Variants in FRMPD1 observed in about 807,000 individuals in gnomAD.
FRMPD1 encodes the protein FERM and PDZ domain containing 1, also known as FERM and PDZ domain-containing protein 1.
A neutral mutation model predicts 117.8 loss-of-function variants in FRMPD1; 76 were observed. That is an observed-to-expected ratio of 0.65 (90% confidence interval 0.54 to 0.78). FRMPD1 has a LOEUF of 0.78. FRMPD1 is among the 30% of genes least tolerant of loss of function. The probability of loss-of-function intolerance (pLI) is 0.00; values close to 1 mark genes in which losing one functional copy is unlikely to be tolerated. For synonymous variants in FRMPD1, 783 were observed against 770.4 expected (o/e 1.02, Z -0.27); for missense variants, 1,786 against 1,964.5 (o/e 0.91, Z 1.72).
chr9:37,630,415 T>C, the FRMPD1 span, among the ~76,000 whole-genome samples: 1 of 152,194 alleles, frequency 6.6e-6, no homozygotes, highest in Middle Eastern at 3.2e-3. Flanking sequence ...AGGGTTTCGC[T>C]CTGTCACCCA....
At chr9:37,688,014 G>A (rs1563932051) in intron 1 of FRMPD1, among the ~76,000 whole-genome samples, 1 of 152,062 alleles carries the variant, frequency 6.6e-6, no homozygotes. Flanking sequence ...GACAAAGATA[G>A]TATGAATACA....
At chr9:37,718,068 T>C (rs1823229263) in intron 5 of FRMPD1, among the ~76,000 whole-genome samples, 1 of 152,248 alleles carries the variant, frequency 6.6e-6, no homozygotes, top group African/African-American at 2.4e-5. Context: ...TGAGTCATAG[T>C]CATGAATCCT....
At chr9:37,615,601 T>C in the FRMPD1 span, among the ~76,000 whole-genome samples, 4 of 152,218 alleles carry the variant, frequency 2.6e-5, no homozygotes, top group African/African-American at 7.2e-5. Context: ...AAGGACAATC[T>C]CATTTCTAAT....
chr9:37,730,979 C>G lies in FRMPD1; in HGVS notation c.739-5C>G. Reference sequence around the variant, plus strand: ...GATTAATAGTATCTCCCTTACCCATCGCAGGTGGTAGAAAGGGAGGAGTCA... The same window carrying G: ...GATTAATAGTATCTCCCTTACCCATGGCAGGTGGTAGAAAGGGAGGAGTCA... On this transcript the variant is annotated splice_polypyrimidine_tract_variant and splice_region_variant and intron_variant, in intron 8 of 15. Coordinates refer to ENST00000377765, the MANE Select transcript of FRMPD1 (RefSeq NM_014907.3). The G allele has an allele frequency of 6.2e-7, 1 of 1,613,634 alleles. No homozygotes were observed. Among genetic ancestry groups the G allele is most frequent in the Non-Finnish European group, 8.5e-7 (1 of 1,179,682 alleles).
chr9:37,730,299 G>A (rs146454504), intron 8 of FRMPD1, among the ~76,000 whole-genome samples: 10 of 152,216 alleles, frequency 6.6e-5, no homozygotes, highest in East Asian at 1.9e-4. Flanking sequence ...ACAGCCAAAC[G>A]GTCTATATCA....
chr9:37,713,906 G>C (rs772924260), intron 5 of FRMPD1, among the ~76,000 whole-genome samples: 1 of 152,212 alleles, frequency 6.6e-6, no homozygotes, highest in African/African-American at 2.4e-5. Context: ...TGGAACAAAG[G>C]TGATTTGATT....
At chr9:37,664,021 C>A (rs1380873785) in intron 1 of FRMPD1, among the ~76,000 whole-genome samples, 1 of 152,124 alleles carries the variant, frequency 6.6e-6, no homozygotes, top group Non-Finnish European at 1.5e-5. Flanking sequence ...GCTGACTCTA[C>A]TTCTGTTTCA....
chr9:37,729,562 C>T (rs1293011568), intron 7 of FRMPD1, among the ~76,000 whole-genome samples, 166 bp from the exon 8 acceptor site: 2 of 151,992 alleles, frequency 1.3e-5, no homozygotes, highest in Non-Finnish European at 2.9e-5. Flanking sequence ...GCTGTGGCTG[C>T]AGGGCCGTAA....
chr9:37,703,795 G>A (rs1822610999), intron 2 of FRMPD1, among the ~76,000 whole-genome samples: 1 of 152,190 alleles, frequency 6.6e-6, no homozygotes, highest in Non-Finnish European at 1.5e-5. Flanking sequence ...CATACAATAT[G>A]TGGTCATTTG....
chr9:37,604,246 G>A, the FRMPD1 span, among the ~76,000 whole-genome samples: 3 of 152,142 alleles, frequency 2.0e-5, no homozygotes, highest in Non-Finnish European at 2.9e-5. Flanking sequence ...AGGTAGTAGT[G>A]GCTTTGGTGA....
chr9:37,686,421 T>C (rs749902518), intron 1 of FRMPD1, among the ~76,000 whole-genome samples: 1 of 152,240 alleles, frequency 6.6e-6, no homozygotes, highest in Non-Finnish European at 1.5e-5. Flanking sequence ...AGTGGGACCG[T>C]AGAGAAGATT....
At chr9:37,622,502 G>A in the FRMPD1 span, among the ~76,000 whole-genome samples, 23 of 152,308 alleles carry the variant, frequency 1.5e-4, no homozygotes, top group African/African-American at 5.5e-4. Context: ...GTCCCTCACA[G>A]GGCATTTCTT....
chr9:37,607,980 G>A, the FRMPD1 span, among the ~76,000 whole-genome samples: 3 of 152,202 alleles, frequency 2.0e-5, no homozygotes, highest in Admixed American at 6.5e-5. Context: ...GACATGGGTC[G>A]TGGCTTTTGT....
chr9:37,712,805 CAT>C (rs1276865339), intron 5 of FRMPD1, among the ~76,000 whole-genome samples: 1 of 152,028 alleles, frequency 6.6e-6, no homozygotes, highest in African/African-American at 2.4e-5. Context: ...ATAAAACAAA[CAT>C]AAAGCAGAAT....
upstream of FRMPD1, among the ~76,000 whole-genome samples, chr9:37,650,455 G>C (rs955540903): frequency 6.6e-6 from 1 of 152,146 alleles, no homozygotes; most frequent in African/African-American, 2.4e-5. Flanking sequence ...GTGGTCCACA[G>C]TGCCTACCGT....
At position 37,746,196 on chromosome 9, in the gene FRMPD1, C is replaced by T. The variant is rs986713414; in HGVS notation, c.4164C>T (p.Cys1388=). Residue 1388 remains cysteine, a synonymous_variant, in exon 16 of 16, where the codon TGC becomes TGT. Transcript: ENST00000377765. The stretch of plus-strand genomic sequence containing the variant: ...GGAGGCCTGCCCGAGCCCACAGCTG[C>T]ACCACCGCACCCCTGTCGAGGAAAA... The part of the protein sequence containing the change: ...LPWRPARAHS[C]TTAPLSRKSH... The T allele has an allele frequency of 6.2e-7, 1 of 1,613,322 alleles. No individual in the cohort carries two copies. The highest frequency in any genetic ancestry group is 1.7e-5 in the Admixed American group (1 of 60,022).
At chr9:37,685,487 CAAAAAAA>C (rs770271962) in intron 1 of FRMPD1, among the ~76,000 whole-genome samples, 14 of 139,530 alleles carry the variant, frequency 1.0e-4, no homozygotes, top group African/African-American at 2.9e-4. Context: ...ACTAAAAATA[CAAAAAAA>C]AAAAAAATTT....
At chr9:37,677,670 G>T (rs1301659545) in intron 1 of FRMPD1, among the ~76,000 whole-genome samples, 1 of 152,192 alleles carries the variant, frequency 6.6e-6, no homozygotes, top group African/African-American at 2.4e-5. Flanking sequence ...GACATGAAAG[G>T]TCACTGGGGA....
At chr9:37,645,526 A>C in the FRMPD1 span, among the ~76,000 whole-genome samples, 1 of 152,210 alleles carries the variant, frequency 6.6e-6, no homozygotes, top group Non-Finnish European at 1.5e-5. Context: ...AAAAAGGTAA[A>C]AATAGATCAT....
Sources: gnomAD v4.1 joint callset for allele counts (sites outside exome capture counted in the v4.1 genomes callset) on GRCh38, gnomAD v4.1.1 for gene constraint, MANE v1.5 for transcripts, NCBI Gene and HGNC (gene_info 2026-07-23, HGNC 2026-07-21) for gene names.